DSCAM: variants seen among roughly 807,000 people sequenced by gnomAD.
The protein encoded by DSCAM is cell adhesion molecule DSCAM.
DSCAM carries 47 observed loss-of-function variants against 217.7 expected under a neutral mutation model. That is an observed-to-expected ratio of 0.22 (90% CI 0.17 to 0.28). The LOEUF is 0.28. DSCAM is among the 10% of genes least tolerant of loss of function. DSCAM has a pLI of 1.00. For missense variants in DSCAM, 2,080 were observed against 2,618.3 expected (o/e 0.79, Z 4.49); for synonymous variants, 1,056 against 1,015.3 (o/e 1.04, Z -0.76).
At chr21:40,133,611 A>C (rs191192119) in intron 19 of DSCAM, among the ~76,000 whole-genome samples, 1 of 119,976 alleles carries the variant, frequency 8.3e-6, no homozygotes, top group African/African-American at 2.7e-5. Flanking sequence ...CAAAAAAAAC[A>C]AAAAACAAAA....
chr21:40,187,164 T>A lies in DSCAM; in HGVS notation c.2746A>T (p.Thr916Ser). The A allele has an allele frequency of 6.2e-7, 1 of 1,614,164 alleles. No individual in the cohort carries two copies. Among genetic ancestry groups the A allele is most frequent in the Non-Finnish European group, 8.5e-7 (1 of 1,179,998 alleles). Residue 916 changes from threonine to serine, a missense_variant, in exon 14 of 33, where the codon ACA becomes TCA. Coordinates refer to ENST00000400454, the MANE Select transcript of DSCAM (RefSeq NM_001389.5). ...TMGFDGNSPI[T>S]GYDIECKNKS... ...TTTTTGCATTCAATATCGTAGCCTG[T>A]GATGGGACTGTTTCCATCAAACCCC...
At chr21:40,817,286 G>A (rs2123571310) in intron 1 of DSCAM, among the ~76,000 whole-genome samples, 1 of 152,252 alleles carries the variant, frequency 6.6e-6, no homozygotes, top group Non-Finnish European at 1.5e-5. Flanking sequence ...AGGAGGGAAA[G>A]GGAAGCAAGC....
intron 3 of DSCAM, among the ~76,000 whole-genome samples, chr21:40,505,666 G>A (rs903550347): frequency 6.6e-6 from 1 of 152,222 alleles, no homozygotes; most frequent in African/African-American, 2.4e-5. Flanking sequence ...AGAACAGGCT[G>A]TTGCTAAGGT....
intron 3 of DSCAM, among the ~76,000 whole-genome samples, chr21:40,656,667 A>G (rs2090080493): frequency 6.6e-6 from 1 of 152,232 alleles, no homozygotes; most frequent in Non-Finnish European, 1.5e-5. Flanking sequence ...AATTGCAATA[A>G]TAAAATGTCT....
chr21:40,332,809 A>G (rs1490627206), intron 8 of DSCAM, among the ~76,000 whole-genome samples: 1 of 152,244 alleles, frequency 6.6e-6, no homozygotes, highest in African/African-American at 2.4e-5. Flanking sequence ...AATCTTTGAA[A>G]TAAAAAAAAT....
chr21:40,641,635 A>G (rs1414894371), intron 3 of DSCAM, among the ~76,000 whole-genome samples: 1 of 152,242 alleles, frequency 6.6e-6, no homozygotes, highest in African/African-American at 2.4e-5. Flanking sequence ...CTAGAAGAGA[A>G]GTTCTAGAAT....
chr21:40,700,317 C>T (rs534599181), intron 2 of DSCAM, among the ~76,000 whole-genome samples: 22 of 152,268 alleles, frequency 1.4e-4, no homozygotes, highest in African/African-American at 4.8e-4. Context: ...GTATGATGTT[C>T]GCTATAGCAG....
At chr21:40,577,141 T>C (rs112116580) in intron 3 of DSCAM, among the ~76,000 whole-genome samples, 1 of 151,572 alleles carries the variant, frequency 6.6e-6, no homozygotes, top group Non-Finnish European at 1.5e-5. Flanking sequence ...TGTAATGATA[T>C]ATAAATGAAT....
At position 40,669,587 on chromosome 21, in the gene DSCAM, TA is replaced by T. The variant is rs34837605; in HGVS notation, c.508+23222del. Among the ~76,000 whole-genome samples the T allele has an allele frequency of 9.8e-3, 1,395 of 142,090 alleles. 18 individuals are homozygous for T. The highest frequency in any genetic ancestry group is 0.03 in the East Asian group (150 of 4,980). The allele number at this position is 142,090 out of a possible 152,430, so 93.2% of individuals were successfully genotyped here. Reference sequence around the variant, plus strand: ...TTCTATTTTCCCAAATGTTGTTATATATATTTTTTTTTTTTTTTGAGACAGA... The same window carrying T: ...TTCTATTTTCCCAAATGTTGTTATATTATTTTTTTTTTTTTTTGAGACAGA... On this transcript the variant is annotated intron_variant, in intron 3 of 32. Coordinates refer to ENST00000400454, the MANE Select transcript of DSCAM (RefSeq NM_001389.5).
At chr21:40,541,297 G>A (rs1293910806) in intron 3 of DSCAM, among the ~76,000 whole-genome samples, 1 of 152,100 alleles carries the variant, frequency 6.6e-6, no homozygotes, top group African/African-American at 2.4e-5. Flanking sequence ...TTTAGTAACA[G>A]ACTATATTTA....
intron 3 of DSCAM, among the ~76,000 whole-genome samples, chr21:40,481,955 T>C (rs962561842): frequency 2.0e-5 from 3 of 152,222 alleles, no homozygotes; most frequent in Non-Finnish European, 2.9e-5. Context: ...AAGTGGATCC[T>C]GTCACCCATA....
intron 3 of DSCAM, among the ~76,000 whole-genome samples, chr21:40,487,899 C>A (rs2076043656): frequency 6.6e-6 from 1 of 152,136 alleles, no homozygotes. Context: ...GAGGCCATTG[C>A]CAGTTGATTA....
intron 3 of DSCAM, among the ~76,000 whole-genome samples, chr21:40,398,586 AC>A (rs1165735579): frequency 1.3e-5 from 2 of 151,254 alleles, no homozygotes; most frequent in African/African-American, 4.9e-5. Flanking sequence ...ATGCATACAC[AC>A]TGAAATCTCC....
chr21:40,600,790 T>G (rs1281381669), intron 3 of DSCAM, among the ~76,000 whole-genome samples: 3 of 152,198 alleles, frequency 2.0e-5, no homozygotes, highest in Non-Finnish European at 4.4e-5. Context: ...CATTATTTGT[T>G]GAAAAGACTA....
chr21:40,823,037 C>T (rs866167720), intron 1 of DSCAM, among the ~76,000 whole-genome samples: 22 of 152,032 alleles, frequency 1.4e-4, no homozygotes, highest in African/African-American at 4.1e-4. Context: ...GTAATTCCAG[C>T]GGCTTGGGAG....
At chr21:40,042,310 G>A (rs1169055362) in intron 32 of DSCAM, 61 bp downstream of exon 32, 15 of 1,560,198 alleles carry the variant, frequency 9.6e-6, no homozygotes, top group Non-Finnish European at 1.3e-5. Flanking sequence ...CAGCAGATGA[G>A]GGAGGACCAG....
At chr21:40,292,828 C>T (rs569702211) in intron 10 of DSCAM, among the ~76,000 whole-genome samples, 66 of 152,048 alleles carry the variant, frequency 4.3e-4, no homozygotes, top group African/African-American at 1.1e-3. Flanking sequence ...CTGTAAGCTC[C>T]GCCTCCCGGG....
At chr21:40,752,831 G>C (rs767164953) in intron 1 of DSCAM, among the ~76,000 whole-genome samples, 1 of 152,108 alleles carries the variant, frequency 6.6e-6, no homozygotes, top group Non-Finnish European at 1.5e-5. Flanking sequence ...GGGGAGAAGA[G>C]GGAAGCAAGG....
At chr21:40,199,007 C>G (rs2091043600) in intron 11 of DSCAM, among the ~76,000 whole-genome samples, 1 of 152,130 alleles carries the variant, frequency 6.6e-6, no homozygotes. Context: ...GCCCAGGTAC[C>G]TTGAGCAGGA....
Sources: gnomAD v4.1 joint callset for allele counts (sites outside exome capture counted in the v4.1 genomes callset) on GRCh38, gnomAD v4.1.1 for gene constraint, MANE v1.5 for transcripts, NCBI Gene and HGNC (gene_info 2026-07-23, HGNC 2026-07-21) for gene names.